Variants in GLT8D2 observed in about 807,000 individuals in gnomAD.
GLT8D2 encodes glycosyltransferase 8 domain-containing protein 2.
In GLT8D2, 45 loss-of-function variants were observed where a neutral mutation model predicts 44.5. The ratio of observed to expected loss-of-function variants is 1.01; its 90% CI spans 0.80 to 1.30. GLT8D2 has a LOEUF of 1.30. Among genes scored for constraint, GLT8D2 ranks in the 50% most tolerant of loss-of-function variants. The pLI is 0.00. For synonymous variants in GLT8D2, 156 were observed against 157.2 expected, an observed-to-expected ratio of 0.99 and a Z score of 0.06; for missense variants, 400 against 430.4, an observed-to-expected ratio of 0.93 and a Z score of 0.62.
chr12:104,045,868 T>TAGAAATC (rs1259945344), intron 1 of GLT8D2, among the ~76,000 whole-genome samples: 1 of 102,154 alleles, frequency 9.8e-6, no homozygotes, highest in East Asian at 2.6e-4. Context: ...CTAGATTCAG[T>TAGAAATC]TAAAAAAGAA....
chr12:103,997,116 GAGAT>G (rs949083267), intron 7 of GLT8D2, among the ~76,000 whole-genome samples: 15 of 152,294 alleles, frequency 9.8e-5, no homozygotes, highest in African/African-American at 3.4e-4. Flanking sequence ...TGTAGTGGAA[GAGAT>G]AGAACACAAC....
intron 1 of GLT8D2, among the ~76,000 whole-genome samples, chr12:104,045,937 A>AAGAAAGAAAGAAAGAAAGAAAGAG (rs68019401): frequency 8.8e-6 from 1 of 113,566 alleles, no homozygotes; most frequent in African/African-American, 3.6e-5. Flanking sequence ...GAAAGAAAGA[A>AAGAAAGAAAGAAAGAAAGAAAGAG]AAAGAAAGAA....
intron 3 of GLT8D2, among the ~76,000 whole-genome samples, chr12:104,016,751 GA>G (rs1255552510): frequency 3.7e-4 from 38 of 101,874 alleles, no homozygotes; most frequent in African/African-American, 1.1e-3. Flanking sequence ...AAGAAAGAAA[GA>G]AAGAAAGAAA....
At chr12:104,016,696 A>G in intron 3 of GLT8D2, among the ~76,000 whole-genome samples, 2 of 135,096 alleles carry the variant, frequency 1.5e-5, no homozygotes, top group Non-Finnish European at 3.2e-5. Context: ...AGAAAGAAAG[A>G]AAGAAAGGGA....
intron 4 of GLT8D2, among the ~76,000 whole-genome samples, chr12:104,008,594 T>C (rs1875397463): frequency 6.6e-6 from 1 of 152,244 alleles, no homozygotes; most frequent in Admixed American, 6.5e-5. Context: ...TCAAGCTGGC[T>C]GCAGAAATTT....
chr12:103,999,111 C>T (rs1873871369), intron 6 of GLT8D2, among the ~76,000 whole-genome samples: 1 of 152,206 alleles, frequency 6.6e-6, no homozygotes, highest in African/African-American at 2.4e-5. Context: ...CTACCTGGCC[C>T]TCCTCCAGCT....
At chr12:104,029,127 T>C (rs1878930418) in intron 1 of GLT8D2, among the ~76,000 whole-genome samples, 1 of 151,982 alleles carries the variant, frequency 6.6e-6, no homozygotes, top group African/African-American at 2.4e-5. Flanking sequence ...CCATCTCTAC[T>C]AAAAACACAA....
At chr12:103,999,064 C>T (rs150190946) in intron 6 of GLT8D2, among the ~76,000 whole-genome samples, 38 of 152,224 alleles carry the variant, frequency 2.5e-4, no homozygotes, top group African/African-American at 8.2e-4. Flanking sequence ...AATATCCCAA[C>T]AGCTGGTGGG....
chr12:104,041,340 C>G (rs911993710), intron 1 of GLT8D2, among the ~76,000 whole-genome samples: 8 of 152,238 alleles, frequency 5.3e-5, no homozygotes, highest in African/African-American at 9.6e-5. Flanking sequence ...CTTGAACCTG[C>G]GAGACAGAGG....
chr12:104,056,290 G>A (rs976268557), intron 1 of GLT8D2, among the ~76,000 whole-genome samples: 7 of 152,236 alleles, frequency 4.6e-5, no homozygotes, highest in East Asian at 3.9e-4. Flanking sequence ...CTCTGCTATC[G>A]AGTTCTGCCC....
intron 10 of GLT8D2, among the ~76,000 whole-genome samples, chr12:103,990,596 C>T (rs1221331199): frequency 6.6e-6 from 1 of 152,074 alleles, no homozygotes; most frequent in Non-Finnish European, 1.5e-5. Flanking sequence ...GCTGAAAGTC[C>T]ATTGAATTAC....
chr12:104,006,710 G>A (rs75650342), intron 4 of GLT8D2, among the ~76,000 whole-genome samples: 5,061 of 152,224 alleles, frequency 0.033, 137 homozygotes, highest in South Asian at 0.1. Context: ...CTTGTTAGAC[G>A]ATTTACAAGA....
intron 1 of GLT8D2, among the ~76,000 whole-genome samples, chr12:104,028,865 G>A (rs150220724): frequency 1.2e-3 from 185 of 152,046 alleles, no homozygotes; most frequent in South Asian, 6.7e-3. Flanking sequence ...ATAACGTCAT[G>A]GTCAAATCCA....
At chr12:104,035,185 G>A (rs562993749) in intron 1 of GLT8D2, among the ~76,000 whole-genome samples, 1 of 152,278 alleles carries the variant, frequency 6.6e-6, no homozygotes, top group South Asian at 2.1e-4. Flanking sequence ...AAGACCAAAG[G>A]TAGATAAAAT....
chr12:104,031,563 T>C lies in GLT8D2; in HGVS notation c.-163-10072A>G, dbSNP rs1003457681. ...AAGTGAAGGCCGGCGGGGAAGATAC[T>C]GTCCCCAGGAGCACCCTCCCTGCCC... On this transcript the variant is annotated intron_variant, in intron 1 of 10. Coordinates refer to ENST00000360814, the MANE Select transcript of GLT8D2 (RefSeq NM_001384711.1). 9.3e-4 allele frequency: 1,491 copies of C among 1,609,686 alleles called. 22 individuals are homozygous for C. The African/African-American group carries it at 0.018, about 20-fold the overall frequency.
intron 7 of GLT8D2, 64 bp downstream of exon 7, chr12:103,997,387 G>C (rs1873577780): frequency 8.9e-7 from 1 of 1,126,980 alleles, no homozygotes; most frequent in African/African-American, 1.5e-5. Context: ...AAAATGAAGA[G>C]AGACAGTTAT....
At chr12:104,013,450 G>A (rs1335873072) in intron 4 of GLT8D2, among the ~76,000 whole-genome samples, 1 of 152,044 alleles carries the variant, frequency 6.6e-6, no homozygotes, top group African/African-American at 2.4e-5. Context: ...TATCCCTCAC[G>A]AGTTGATGTA....
chr12:103,991,219 C>G (rs1196506900), intron 10 of GLT8D2, among the ~76,000 whole-genome samples: 1 of 152,132 alleles, frequency 6.6e-6, no homozygotes, highest in African/African-American at 2.4e-5. Flanking sequence ...TGGAGTCTAG[C>G]TCTGTCACCC....
intron 4 of GLT8D2, among the ~76,000 whole-genome samples, chr12:104,010,284 T>C (rs1247551511): frequency 6.6e-6 from 1 of 152,184 alleles, no homozygotes; most frequent in Non-Finnish European, 1.5e-5. Context: ...ACCAAAGCCC[T>C]CGTGGTTCCC....
Sources: allele counts gnomAD v4.1 joint callset (sites outside exome capture counted in the v4.1 genomes callset), GRCh38; gene constraint gnomAD v4.1.1; transcripts MANE v1.5; gene names NCBI Gene and HGNC (gene_info 2026-07-23, HGNC 2026-07-21).